The following KLHL1 variants were observed in gnomAD, a reference collection of about 807,000 sequenced individuals.
KLHL1 encodes kelch-like protein 1.
Under a neutral mutation model 77.7 loss-of-function variants are expected in KLHL1, and 47 were observed. The observed-to-expected ratio is 0.60, with a 90% confidence interval of 0.48 to 0.77. The LOEUF is 0.77. KLHL1 is among the 30% of genes least tolerant of loss of function. The pLI is 0.00. For missense variants in KLHL1, 925 were observed against 910.8 expected (o/e 1.02, Z -0.20); for synonymous variants, 360 against 325.2 (o/e 1.11, Z -1.15).
At chr13:69,972,562 A>C (rs9317856) in intron 2 of KLHL1, among the ~76,000 whole-genome samples, 95,187 of 151,624 alleles carry the variant, frequency 0.63, 29,967 homozygotes, top group South Asian at 0.66. Context: ...TTCTTTCCTC[A>C]TTATGAGCCC....
chr13:69,881,634 CTCT>C (rs1423182202), intron 5 of KLHL1, among the ~76,000 whole-genome samples: 1 of 152,302 alleles, frequency 6.6e-6, no homozygotes, highest in Non-Finnish European at 1.5e-5. Context: ...GAACTAGCCA[CTCT>C]TCTTCTAAGT....
chr13:69,901,714 G>T (rs1881864979), intron 4 of KLHL1, among the ~76,000 whole-genome samples: 1 of 151,746 alleles, frequency 6.6e-6, no homozygotes, highest in Non-Finnish European at 1.5e-5. Context: ...GATATCTGTT[G>T]CAGTAATGGA....
chr13:69,888,255 A>G (rs1360987944), intron 4 of KLHL1, among the ~76,000 whole-genome samples: 1 of 152,266 alleles, frequency 6.6e-6, no homozygotes, highest in East Asian at 1.9e-4. Flanking sequence ...AGCTTTTAAT[A>G]TAACCACAAT....
chr13:69,814,211 C>A (rs571348631), intron 6 of KLHL1, among the ~76,000 whole-genome samples: 16 of 152,178 alleles, frequency 1.1e-4, no homozygotes, highest in African/African-American at 3.1e-4. Context: ...AATGAAACTG[C>A]ACTCCTACCT....
At chr13:70,027,652 G>GTTT (rs10667717) in intron 1 of KLHL1, among the ~76,000 whole-genome samples, 4 of 135,840 alleles carry the variant, frequency 2.9e-5, no homozygotes, top group South Asian at 2.3e-4. Context: ...AATGTAAGTT[G>GTTT]TTTTTTTTTT....
At chr13:69,877,554 A>G (rs1264578201) in intron 5 of KLHL1, among the ~76,000 whole-genome samples, 1 of 152,118 alleles carries the variant, frequency 6.6e-6, no homozygotes, top group Admixed American at 6.6e-5. Context: ...GCCTCAGGCT[A>G]TTCAGGAAAA....
Position 69,969,151 on chromosome 13 carries a change from C to A in KLHL1, c.680+6469G>T, listed in dbSNP as rs115369674. ...AGGACATGGTATAATTTAACTTAAACACAAAATACATTCTTTTAACTGGAA... is the reference window on the plus strand; with the variant it reads ...AGGACATGGTATAATTTAACTTAAAAACAAAATACATTCTTTTAACTGGAA... On this transcript the variant is annotated intron_variant, in intron 2 of 10. Coordinates refer to ENST00000377844, the MANE Select transcript of KLHL1 (RefSeq NM_020866.3). Among the ~76,000 whole-genome samples the A allele has an allele frequency of 2.2e-3, 339 of 152,062 alleles. 1 individual carries two copies. Among genetic ancestry groups the A allele is most frequent in the African/African-American group, 7.2e-3 (298 of 41,504 alleles).
rs1877120105 is a variant in KLHL1, at chr13:69,796,699, C to T, written c.1639+39G>A. 1.6e-5 allele frequency: 22 copies of T among 1,362,014 alleles called. No individual in the cohort carries two copies. The East Asian group carries it at 4.9e-4, about 30-fold the overall frequency. The allele number at this position is 1,362,014 out of a possible 1,614,324, so 84.4% of individuals were successfully genotyped here. ...TATCATATAGTTACATTATCAATAA[C>T]ATGTTTCTAAAAGTAATATCAATAA... On this transcript the variant is annotated intron_variant, in intron 7 of 10. Coordinates refer to ENST00000377844, the MANE Select transcript of KLHL1 (RefSeq NM_020866.3).
intron 1 of KLHL1, among the ~76,000 whole-genome samples, chr13:69,991,323 A>G (rs2137313058): frequency 6.6e-6 from 1 of 152,078 alleles, no homozygotes; most frequent in East Asian, 1.9e-4. Context: ...ACTGAAGAAT[A>G]TAGAGACACA....
chr13:70,082,059 C>T (rs1887405233), intron 1 of KLHL1, among the ~76,000 whole-genome samples: 1 of 151,984 alleles, frequency 6.6e-6, no homozygotes, highest in Non-Finnish European at 1.5e-5. Context: ...TGTAGCACTT[C>T]CCCCTTTGCT....
intron 1 of KLHL1, among the ~76,000 whole-genome samples, chr13:70,017,687 T>C (rs573161077): frequency 6.6e-6 from 1 of 152,282 alleles, no homozygotes; most frequent in East Asian, 1.9e-4. Context: ...CATACAAATG[T>C]GCATAAGCTC....
intron 7 of KLHL1, among the ~76,000 whole-genome samples, chr13:69,796,123 T>C (rs935315454): frequency 2.0e-5 from 3 of 152,202 alleles, no homozygotes; most frequent in African/African-American, 4.8e-5. Context: ...TCTACTCTTT[T>C]AGAGAACTTT....
intron 3 of KLHL1, among the ~76,000 whole-genome samples, chr13:69,952,068 A>G (rs181270928): frequency 1.5e-3 from 233 of 151,624 alleles, no homozygotes; most frequent in South Asian, 1.0e-3. Context: ...AAATAAATGT[A>G]AGCAAGGGGG....
At chr13:69,786,789 G>A (rs1876573973) in intron 7 of KLHL1, among the ~76,000 whole-genome samples, 1 of 152,146 alleles carries the variant, frequency 6.6e-6, no homozygotes, top group African/African-American at 2.4e-5. Context: ...TCCTTAAGCT[G>A]ATAAGCAACT....
Position 69,971,070 on chromosome 13 carries a change from T to TA in KLHL1, c.680+4549dup, listed in dbSNP as rs567849337. On this transcript the variant is annotated intron_variant, in intron 2 of 10. Transcript: ENST00000377844. ...ATGATAGTCAGTCTATTGTGGTTGT[T>TA]AAAGTCATTATTTCAGTACCCAGAT... 3.5e-3 allele frequency among the ~76,000 whole-genome samples: 528 copies of TA among 152,270 alleles called. 3 individuals are homozygous for TA. Among genetic ancestry groups the TA allele is most frequent in the Admixed American group, 5.6e-3 (86 of 15,256 alleles).
At chr13:69,795,760 C>T (rs978585700) in intron 7 of KLHL1, among the ~76,000 whole-genome samples, 3 of 152,144 alleles carry the variant, frequency 2.0e-5, no homozygotes, top group Non-Finnish European at 2.9e-5. Context: ...CATCGAGATC[C>T]GAATCCAGGT....
At position 69,891,254 on chromosome 13, in the gene KLHL1, C is replaced by A. The variant is rs143160366; in HGVS notation, c.1015-8759G>T. Among the ~76,000 whole-genome samples, 329 of 152,104 alleles carry A rather than the reference C, an allele frequency of 2.2e-3. 1 individual carries two copies. Among genetic ancestry groups the A allele is most frequent in the Middle Eastern group, 6.8e-3 (2 of 294 alleles). On this transcript the variant is annotated intron_variant, in intron 4 of 10. Coordinates refer to ENST00000377844, the MANE Select transcript of KLHL1 (RefSeq NM_020866.3). Reference sequence around the variant, plus strand: ...AGTTTTCTTTATTAATTCTATAGCACCCACTAAGTGGTAGCTCCCTAATGC... The same window carrying A: ...AGTTTTCTTTATTAATTCTATAGCAACCACTAAGTGGTAGCTCCCTAATGC...
At chr13:69,702,898 G>A (rs995978333) in intron 10 of KLHL1, among the ~76,000 whole-genome samples, 3 of 151,646 alleles carry the variant, frequency 2.0e-5, no homozygotes, top group South Asian at 2.1e-4. Context: ...TCTTATCTTC[G>A]TAATCACATC....
chr13:69,919,719 C>T (rs1421515877), intron 4 of KLHL1, among the ~76,000 whole-genome samples: 1 of 152,052 alleles, frequency 6.6e-6, no homozygotes, highest in Non-Finnish European at 1.5e-5. Flanking sequence ...GTCCCACCTA[C>T]CAAAACAAGC....
Sources: allele counts gnomAD v4.1 joint callset (sites outside exome capture counted in the v4.1 genomes callset), GRCh38; gene constraint gnomAD v4.1.1; transcripts MANE v1.5; gene names NCBI Gene and HGNC (gene_info 2026-07-23, HGNC 2026-07-21).